Variants in EFCAB12 observed in about 807,000 individuals in gnomAD.
EFCAB12 encodes the protein EF-hand calcium-binding domain-containing protein 12.
Under a neutral mutation model 53.6 loss-of-function variants are expected in EFCAB12, and 43 were observed. The observed-to-expected ratio is 0.80, with a 90% CI of 0.63 to 1.03. The LOEUF is 1.03. Among genes scored for constraint, EFCAB12 ranks in the 50% least tolerant of loss-of-function variants. The pLI, the probability that EFCAB12 is intolerant of heterozygous loss-of-function variation, is 0.00. For synonymous variants in EFCAB12, 269 were observed against 289.2 expected, an observed-to-expected ratio of 0.93 and a Z score of 0.71; for missense variants, 646 against 730.6, an observed-to-expected ratio of 0.88 and a Z score of 1.34.
chr3:129,407,845 C>T (rs1304262794), intron 6 of EFCAB12, among the ~76,000 whole-genome samples: 5 of 152,304 alleles, frequency 3.3e-5, no homozygotes, highest in African/African-American at 7.2e-5. Flanking sequence ...ACCTGGGAGG[C>T]GGAGCTTGCA....
intron 2 of EFCAB12, among the ~76,000 whole-genome samples, chr3:129,419,953 G>T (rs998184890): frequency 2.6e-5 from 4 of 152,174 alleles, no homozygotes; most frequent in African/African-American, 7.2e-5. Context: ...CTATGAATTA[G>T]GTATGAGGTA....
chr3:129,410,226 T>C (rs1478905622), intron 5 of EFCAB12, among the ~76,000 whole-genome samples: 2 of 151,888 alleles, frequency 1.3e-5, no homozygotes, highest in Admixed American at 6.6e-5. Context: ...CCCAGGCTGG[T>C]CTCAAACTCC....
At chr3:129,406,572 G>A (rs927488503) in intron 6 of EFCAB12, among the ~76,000 whole-genome samples, 31 of 151,642 alleles carry the variant, frequency 2.0e-4, no homozygotes, top group African/African-American at 7.5e-4. Context: ...GTGCAATCTC[G>A]GCTAGCTGCA....
chr3:129,418,093 T>C (rs3796393), intron 3 of EFCAB12, among the ~76,000 whole-genome samples, 161 bp downstream of exon 3: 9,754 of 152,172 alleles, frequency 0.064, 953 homozygotes, highest in East Asian at 0.44. Context: ...CCATATTTTC[T>C]AGCCTTAATA....
At chr3:129,424,516 G>T (rs1053635342) in intron 1 of EFCAB12, among the ~76,000 whole-genome samples, 8 of 152,134 alleles carry the variant, frequency 5.3e-5, no homozygotes, top group African/African-American at 1.7e-4. Context: ...GTTTCCTGAG[G>T]CCTCCCCAGC....
chr3:129,423,680 C>G (rs548174235), intron 1 of EFCAB12, among the ~76,000 whole-genome samples: 54 of 152,222 alleles, frequency 3.5e-4, no homozygotes, highest in African/African-American at 1.3e-3. Flanking sequence ...AATACTGTCA[C>G]TGTCATTTTC....
intron 2 of EFCAB12, 23 bp downstream of exon 2, chr3:129,421,344 A>G: frequency 6.3e-7 from 1 of 1,584,302 alleles, no homozygotes; most frequent in South Asian, 1.1e-5. Flanking sequence ...TGGTGTCTTC[A>G]TCTGGCAAAT....
intron 4 of EFCAB12, chr3:129,413,565 C>T (rs2072074165): frequency 6.6e-6 from 1 of 152,208 alleles, no homozygotes; most frequent in South Asian, 2.1e-4. Context: ...GCAACTCTGC[C>T]TCCCAGATAA....
Position 129,421,514 on chromosome 3 carries a change from C to A in EFCAB12, c.339G>T (p.Arg113=). 1 of 1,614,042 alleles carries A rather than the reference C, an allele frequency of 6.2e-7. No individual in the cohort carries two copies. The change falls in exon 2 of 9, where the codon CGG becomes CGT. Residue 113 remains arginine (R), a synonymous_variant. Transcript: ENST00000505956. ...KTWLSQRSKL[R]QELESFGDVK... Reference sequence around the variant, plus strand: ...CATCACCAAAGGACTCTAGCTCCTGCCGCAGCTTCGACCTCTGGCTCAGCC... The same window carrying A: ...CATCACCAAAGGACTCTAGCTCCTGACGCAGCTTCGACCTCTGGCTCAGCC...
intron 1 of EFCAB12, among the ~76,000 whole-genome samples, chr3:129,427,604 G>A (rs1326530987): frequency 6.6e-6 from 1 of 152,166 alleles, no homozygotes; most frequent in Non-Finnish European, 1.5e-5. Context: ...AGCTCTCCCT[G>A]TTTCTCCACT....
At chr3:129,418,186 T>A in intron 3 of EFCAB12, 68 bp downstream of exon 3, 4 of 1,389,324 alleles carry the variant, frequency 2.9e-6, no homozygotes, top group Non-Finnish European at 3.8e-6. Flanking sequence ...GGGGCGGGGG[T>A]GGCAAAGAGG....
At chr3:129,408,505 C>G in intron 6 of EFCAB12, 140 bp downstream of exon 6, 2 of 884,176 alleles carry the variant, frequency 2.3e-6, no homozygotes, top group Non-Finnish European at 3.4e-6. Flanking sequence ...TCCACGCCCC[C>G]ACTCCGCCTT....
rs1477915998 is a variant in EFCAB12, at chr3:129,421,672, T to C, written c.181A>G (p.Met61Val). ...GTCTGATCCTCCTTGCGAGGCACCATGATGATTCGCCGGCGGGTCTGAGGC... is the reference window on the plus strand; with the variant it reads ...GTCTGATCCTCCTTGCGAGGCACCACGATGATTCGCCGGCGGGTCTGAGGC... ...RLPQTRRRII[M>V]VPRKEDQTPL... Residue 61 changes from methionine to valine, a missense_variant, in exon 2 of 9, where the codon ATG (methionine) becomes GTG (valine). Met to Val is a conservative substitution (Grantham distance 21). Coordinates refer to ENST00000505956, the MANE Select transcript of EFCAB12 (RefSeq NM_207307.3). 3 of 1,613,900 alleles carry C rather than the reference T, an allele frequency of 1.9e-6. No individual in the cohort carries two copies. Among genetic ancestry groups the C allele is most frequent in the South Asian group, 1.1e-5 (1 of 91,064 alleles).
Position 129,401,547 on chromosome 3 carries a change from T to C in EFCAB12, c.*46A>G, listed in dbSNP as rs1394503379. 4.1e-6 allele frequency: 6 copies of C among 1,476,622 alleles called. No homozygotes were observed. The highest frequency in any genetic ancestry group is 5.4e-6 in the Non-Finnish European group (6 of 1,106,910). The allele number at this position is 1,476,622 out of a possible 1,614,324, so 91.5% of individuals were successfully genotyped here. ...CTGGGCTCTGGGCCGCTGGCTGCAC[T>C]GGCCCCTGGCCCAGGAAGGCTGGGT... On this transcript the variant is annotated 3_prime_UTR_variant, in exon 9 of 9. Transcript: ENST00000505956.
At chr3:129,419,303 T>C (rs1316393739) in intron 2 of EFCAB12, among the ~76,000 whole-genome samples, 1 of 152,206 alleles carries the variant, frequency 6.6e-6, no homozygotes, top group East Asian at 1.9e-4. Flanking sequence ...AAAAGTGTGG[T>C]CCCGTGGACC....
intron 1 of EFCAB12, among the ~76,000 whole-genome samples, chr3:129,422,840 C>T (rs1362204876): frequency 6.6e-6 from 1 of 152,042 alleles, no homozygotes; most frequent in Non-Finnish European, 1.5e-5. Context: ...AGCTCATTTT[C>T]TTTATTAAGT....
In EFCAB12 at chr3:129,401,535, C is replaced by A; in HGVS notation, c.*58G>T. On this transcript the variant is annotated 3_prime_UTR_variant, in exon 9 of 9. Transcript: ENST00000505956. ...CTCCTCTTGTGTCTGGGCTCTGGGC[C>A]GCTGGCTGCACTGGCCCCTGGCCCA... 2 of 1,463,288 alleles carry A rather than the reference C, an allele frequency of 1.4e-6. No homozygotes were observed. Among genetic ancestry groups the A allele is most frequent in the Non-Finnish European group, 1.8e-6 (2 of 1,101,870 alleles). 90.6% of individuals were successfully genotyped at this position (1,463,288 alleles called of 1,614,324 possible). A position where few individuals can be genotyped will look rare whatever the true frequency, so the allele number is the denominator to read the frequency against.
At chr3:129,426,306 C>A (rs1417471440) in intron 1 of EFCAB12, among the ~76,000 whole-genome samples, 1 of 150,972 alleles carries the variant, frequency 6.6e-6, no homozygotes, top group Non-Finnish European at 1.5e-5. Context: ...AAGTTTATAC[C>A]TCCAGTTGTT....
intron 5 of EFCAB12, among the ~76,000 whole-genome samples, chr3:129,409,914 A>G (rs2072012702): frequency 6.6e-6 from 1 of 152,252 alleles, no homozygotes; most frequent in South Asian, 2.1e-4. Flanking sequence ...TATAGCACTT[A>G]GCAATATCTG....
Sources: gnomAD v4.1 joint callset for allele counts (sites outside exome capture counted in the v4.1 genomes callset) on GRCh38, gnomAD v4.1.1 for gene constraint, MANE v1.5 for transcripts, NCBI Gene and HGNC (gene_info 2026-07-23, HGNC 2026-07-21) for gene names.